The following FBXL17 variants were observed in gnomAD, a reference collection of about 807,000 sequenced individuals.
FBXL17 encodes F-box/LRR-repeat protein 17.
In FBXL17, 22 loss-of-function variants were observed where a neutral mutation model predicts 66.2. The observed-to-expected ratio is 0.33, with a 90% CI of 0.24 to 0.47. The LOEUF is 0.47. Among genes scored for constraint, FBXL17 ranks in the 20% least tolerant of loss-of-function variants. The pLI is 1.00. For synonymous variants in FBXL17, 474 were observed against 400.5 expected, an observed-to-expected ratio of 1.18 and a Z score of -2.19; for missense variants, 878 against 948.2, an observed-to-expected ratio of 0.93 and a Z score of 0.97.
intron 7 of FBXL17, among the ~76,000 whole-genome samples, chr5:107,901,317 C>T (rs1343221215): frequency 6.6e-6 from 1 of 152,138 alleles, no homozygotes; most frequent in Non-Finnish European, 1.5e-5. Context: ...TCAAATGGCT[C>T]AGCTTATACA....
rs1260040742 is a variant in FBXL17, at chr5:108,299,329, G to T, written c.1506+49070C>A. On this transcript the variant is annotated intron_variant, in intron 4 of 8. Transcript: ENST00000542267. ...TCACCCACCCATCTCCCTACCTCAA[G>T]ATACCATTAAAGTATATTTTGTACA... 14 of 984,534 alleles carry T rather than the reference G, an allele frequency of 1.4e-5. No individual in the cohort carries two copies. In the South Asian group the frequency reaches 1.9e-4, roughly 13 times the overall value. 61.0% of individuals were successfully genotyped at this position (984,534 alleles called of 1,614,324 possible).
chr5:108,131,954 A>G (rs942120254), intron 6 of FBXL17, among the ~76,000 whole-genome samples: 3 of 151,106 alleles, frequency 2.0e-5, no homozygotes, highest in Non-Finnish European at 4.4e-5. Context: ...AAAATGAATT[A>G]TATTAACCTT....
intron 6 of FBXL17, among the ~76,000 whole-genome samples, chr5:108,086,813 G>A (rs977699708): frequency 1.3e-5 from 2 of 152,010 alleles, no homozygotes; most frequent in Non-Finnish European, 2.9e-5. Flanking sequence ...CACCCGCCTC[G>A]GCCTCCCAAA....
At chr5:107,960,779 A>G (rs1010017310) in intron 7 of FBXL17, among the ~76,000 whole-genome samples, 6 of 152,192 alleles carry the variant, frequency 3.9e-5, no homozygotes, top group African/African-American at 1.4e-4. Context: ...ATACTGTAAC[A>G]TTTATTGAAT....
chr5:108,356,372 C>T (rs1428344582), intron 3 of FBXL17, among the ~76,000 whole-genome samples: 1 of 152,114 alleles, frequency 6.6e-6, no homozygotes, highest in Non-Finnish European at 1.5e-5. Flanking sequence ...ATGCAAAAAC[C>T]TACACACAGA....
intron 3 of FBXL17, among the ~76,000 whole-genome samples, chr5:108,360,442 A>T (rs1025055648): frequency 1.3e-5 from 2 of 152,030 alleles, no homozygotes; most frequent in African/African-American, 4.8e-5. Flanking sequence ...ATAGTTTCTG[A>T]TGATAAAACA....
At chr5:108,291,083 G>A (rs1159238685) in intron 4 of FBXL17, among the ~76,000 whole-genome samples, 2 of 152,126 alleles carry the variant, frequency 1.3e-5, no homozygotes, top group African/African-American at 4.8e-5. Context: ...CTACACTCAT[G>A]TATATTATAC....
chr5:108,376,169 T>C (rs899168794), intron 1 of FBXL17, among the ~76,000 whole-genome samples: 1 of 152,216 alleles, frequency 6.6e-6, no homozygotes, highest in African/African-American at 2.4e-5. Flanking sequence ...CTAGTTATCA[T>C]TATACTTAAT....
chr5:108,191,754 T>C (rs1753479693), intron 5 of FBXL17, among the ~76,000 whole-genome samples: 1 of 152,230 alleles, frequency 6.6e-6, no homozygotes, highest in Non-Finnish European at 1.5e-5. Context: ...ACTGGGATAC[T>C]TGTGACTCTT....
At position 108,102,479 on chromosome 5, in the gene FBXL17, T is replaced by C. The variant is rs182391801; in HGVS notation, c.1746-81478A>G. Among the ~76,000 whole-genome samples, 3 of 152,306 alleles carry C rather than the reference T, an allele frequency of 2.0e-5. No individual in the cohort carries two copies. The East Asian group carries it at 5.8e-4, about 29-fold the overall frequency. The stretch of plus-strand genomic sequence containing the variant: ...ACTAACTGAGATCTCGGCAAATTGC[T>C]TAAACCTTTGTGAGATACCGATTCC... On this transcript the variant is annotated intron_variant, in intron 6 of 8. Coordinates refer to ENST00000542267, the MANE Select transcript of FBXL17 (RefSeq NM_001163315.3).
chr5:108,230,625 C>T (rs1479080762), intron 4 of FBXL17, among the ~76,000 whole-genome samples: 2 of 151,756 alleles, frequency 1.3e-5, no homozygotes, highest in African/African-American at 4.8e-5. Flanking sequence ...TCAGTGTATA[C>T]TGCTCGGGTG....
At position 108,348,172 on chromosome 5, in the gene FBXL17, G is replaced by C. The variant is rs1009838099; in HGVS notation, c.1506+227C>G. Among the ~76,000 whole-genome samples, 10 of 152,252 alleles carry C rather than the reference G, an allele frequency of 6.6e-5. No individual in the cohort carries two copies. In the South Asian group the frequency reaches 1.0e-3, roughly 16 times the overall value. On this transcript the variant is annotated intron_variant, in intron 4 of 8. Coordinates refer to ENST00000542267, the MANE Select transcript of FBXL17 (RefSeq NM_001163315.3). ...GTCCACATTTAGAAAAGATGCATTG[G>C]CACATGCTAATGAGGGATTTTTAAC...
rs138219664 is a variant in FBXL17, at chr5:107,862,015, T to C, written c.1966-155A>G. ...TGAGGAAGGGTTTTGTGAGGAGATA[T>C]GTGTCCCATTTCATCTGACCTCTCT... On this transcript the variant is annotated intron_variant, in intron 8 of 8. Coordinates refer to ENST00000542267, the MANE Select transcript of FBXL17 (RefSeq NM_001163315.3). 8.7e-4 allele frequency among the ~76,000 whole-genome samples: 133 copies of C among 152,242 alleles called. 1 individual carries two copies. Among genetic ancestry groups the C allele is most frequent in the African/African-American group, 3.1e-3 (128 of 41,546 alleles).
At chr5:107,924,674 C>T (rs894557165) in intron 7 of FBXL17, among the ~76,000 whole-genome samples, 2 of 152,160 alleles carry the variant, frequency 1.3e-5, no homozygotes, top group African/African-American at 4.8e-5. Context: ...CAATTCTGGA[C>T]TTAACCAGGC....
At chr5:108,358,556 T>A (rs1748143618) in intron 3 of FBXL17, among the ~76,000 whole-genome samples, 1 of 152,132 alleles carries the variant, frequency 6.6e-6, no homozygotes, top group Non-Finnish European at 1.5e-5. Flanking sequence ...CGGTGTAGAA[T>A]CCTTTTAATC....
intron 6 of FBXL17, among the ~76,000 whole-genome samples, chr5:108,140,105 G>C (rs1751294203): frequency 6.6e-6 from 1 of 152,146 alleles, no homozygotes; most frequent in African/African-American, 2.4e-5. Context: ...CAGTGCAGTA[G>C]AGTCATCTCA....
At chr5:108,278,726 C>G (rs544929998) in intron 4 of FBXL17, among the ~76,000 whole-genome samples, 84 of 152,324 alleles carry the variant, frequency 5.5e-4, no homozygotes, top group African/African-American at 2.0e-3. Flanking sequence ...TTTGACCCCA[C>G]CCTCCCTGTG....
chr5:107,877,839 A>C (rs1324605814), intron 8 of FBXL17, among the ~76,000 whole-genome samples: 1 of 152,010 alleles, frequency 6.6e-6, no homozygotes, highest in Non-Finnish European at 1.5e-5. Flanking sequence ...GGGCCAAATT[A>C]ATTTTGTTCT....
chr5:108,282,013 A>T (rs1189986409), intron 4 of FBXL17, among the ~76,000 whole-genome samples: 1 of 151,758 alleles, frequency 6.6e-6, no homozygotes. Context: ...AAAAAGACTG[A>T]GTCAGTAATA....
Sources: gnomAD v4.1 joint callset for allele counts (sites outside exome capture counted in the v4.1 genomes callset) on GRCh38, gnomAD v4.1.1 for gene constraint, MANE v1.5 for transcripts, NCBI Gene and HGNC (gene_info 2026-07-23, HGNC 2026-07-21) for gene names.